The following USP6 variants were observed in gnomAD, a reference collection of about 807,000 sequenced individuals.
USP6 encodes ubiquitin specific peptidase 6, also known as ubiquitin carboxyl-terminal hydrolase 6.
USP6 carries 128 observed loss-of-function variants against 175.7 expected under a neutral mutation model. The ratio of observed to expected loss-of-function variants is 0.73; its 90% CI spans 0.63 to 0.84. The LOEUF is 0.84. Ranked by LOEUF, USP6 falls within the 40% of genes least tolerant of loss-of-function variation. The pLI, the probability that USP6 is intolerant of heterozygous loss-of-function variation, is 0.00. For synonymous variants in USP6, 562 were observed against 630.6 expected (o/e 0.89, Z 1.63); for missense variants, 1,498 against 1,760.3 (o/e 0.85, Z 2.67).
In USP6 at chr17:5,170,659, C is replaced by A. The variant is rs561414148; in HGVS notation, c.3698C>A (p.Ala1233Asp). 1 of 1,613,902 alleles carries A rather than the reference C, an allele frequency of 6.2e-7. No homozygotes were observed. The highest frequency in any genetic ancestry group is 1.3e-5 in the African/African-American group (1 of 75,030). The change falls in exon 36 of 38, where the codon GCT (alanine) becomes GAT (aspartate). Residue 1233 changes from alanine to aspartate, a missense_variant. By Grantham distance (126) the Ala-to-Asp change is moderately radical. Transcript: ENST00000574788. ...KNLDASKENG[A>D]GQICELADAL... ...TTGGATGCCAGCAAAGAGAATGGGG[C>A]TGGGCAGATCTGTGAGCTGGCTGAC...
chr17:5,138,581 A>C (rs1487118760), intron 21 of USP6, among the ~76,000 whole-genome samples: 1 of 152,122 alleles, frequency 6.6e-6, no homozygotes, highest in Non-Finnish European at 1.5e-5. Flanking sequence ...TAGATGAGCC[A>C]GACCCATTTG....
chr17:5,138,257 G>A lies in USP6; in HGVS notation c.1062G>A (p.Gly354=), dbSNP rs1398443523. The stretch of plus-strand genomic sequence containing the variant: ...CGAAGAAACTAACAAGGAAGCAAGG[G>A]GACCTGCCACCCCCAGGTGGGCTCC... The part of the protein sequence containing the change: ...ASTKKLTRKQ[G]DLPPPAKREQ... Residue 354 remains glycine, a synonymous_variant, in exon 21 of 38, where the codon GGG becomes GGA. Transcript: ENST00000574788. 5 of 1,613,704 alleles carry A rather than the reference G, an allele frequency of 3.1e-6. No homozygotes were observed. In the East Asian group the frequency reaches 1.1e-4, roughly 36 times the overall value.
In USP6 at chr17:5,139,287, C is replaced by A; in HGVS notation, c.1111C>A (p.Pro371Thr). Residue 371 changes from proline (P) to threonine (T), a missense_variant, in exon 22 of 38, where the codon CCT becomes ACT. By Grantham distance (38) the Pro-to-Thr change is conservative. Transcript: ENST00000574788. The part of the protein sequence containing the change: ...KREQGSLAPR[P>T]VPASRGGKTL... Reference sequence around the variant, plus strand: ...CGAGCAAGGGTCCTTGGCACCCAGGCCTGTGCCGGCTTCACGTGGTGGGAA... The same window carrying A: ...CGAGCAAGGGTCCTTGGCACCCAGGACTGTGCCGGCTTCACGTGGTGGGAA... 1 of 1,605,738 alleles carries A rather than the reference C, an allele frequency of 6.2e-7. No individual in the cohort carries two copies. Among genetic ancestry groups the A allele is most frequent in the Non-Finnish European group, 8.5e-7 (1 of 1,180,000 alleles).
At chr17:5,135,385 A>T in intron 16 of USP6, 103 bp downstream of exon 16, 1 of 1,433,072 alleles carries the variant, frequency 7.0e-7, no homozygotes, top group Non-Finnish European at 9.7e-7. Context: ...GGTATTTGTG[A>T]CTCACCAGGA....
At chr17:5,167,338 A>G (rs769827034) in intron 33 of USP6, among the ~76,000 whole-genome samples, 1 of 152,230 alleles carries the variant, frequency 6.6e-6, no homozygotes, top group Non-Finnish European at 1.5e-5. Context: ...TAGGATTCCA[A>G]AGTTGTTAAA....
intron 4 of USP6, among the ~76,000 whole-genome samples, chr17:5,122,643 C>T (rs1255943440): frequency 6.6e-6 from 1 of 152,188 alleles, no homozygotes; most frequent in African/African-American, 2.4e-5. Flanking sequence ...GGCTGCAACG[C>T]GTGTCTCCCC....
At chr17:5,157,434 A>G (rs971569061) in intron 31 of USP6, among the ~76,000 whole-genome samples, 12 of 152,254 alleles carry the variant, frequency 7.9e-5, no homozygotes, top group African/African-American at 2.9e-4. Context: ...ATTTAAATAA[A>G]TCGTAAAGGA....
rs2073476177 is a variant in USP6, at chr17:5,142,471, C to G, written c.1787C>G (p.Thr596Ser). The G allele has an allele frequency of 1.2e-6, 2 of 1,612,732 alleles. No homozygotes were observed. The highest frequency in any genetic ancestry group is 1.7e-4 in the Middle Eastern group (1 of 6,046). Residue 596 changes from threonine (T) to serine (S), a missense_variant, in exon 25 of 38, where the codon ACT (threonine) becomes AGT (serine). By Grantham distance (58) the Thr-to-Ser change is moderately conservative (BLOSUM62 1). Transcript: ENST00000574788. ...GDLVQELWSG[T>S]QKSVAPLKLR... Reference sequence around the variant, plus strand: ...TTAGTGCAGGAACTCTGGAGTGGAACTCAGAAGAGTGTTGCCCCATTAAAG... The same window carrying G: ...TTAGTGCAGGAACTCTGGAGTGGAAGTCAGAAGAGTGTTGCCCCATTAAAG...
chr17:5,136,659 TGGGACAGTCCAG>T lies in USP6; in HGVS notation c.688_699del (p.Thr230_Gly233del), dbSNP rs1247209654. On this transcript the variant is annotated inframe_deletion, in exon 18 of 38. Coordinates refer to ENST00000574788, the MANE Select transcript of USP6 (RefSeq NM_001304284.2). ...TCTCAGGATTCCACAGCCCAAATGG[TGGGACAGTCCAG>T]GGGCTCCAAGACCAACAGGAGCATG... The T allele has an allele frequency of 1.2e-6, 2 of 1,611,838 alleles. No individual in the cohort carries two copies. Among genetic ancestry groups the T allele is most frequent in the African/African-American group, 1.3e-5 (1 of 74,948 alleles).
intron 25 of USP6, among the ~76,000 whole-genome samples, chr17:5,143,718 C>A (rs1598039337): frequency 6.6e-6 from 1 of 151,738 alleles, no homozygotes; most frequent in Non-Finnish European, 1.5e-5. Context: ...CCTGCCAAAT[C>A]CCCCTCTGCG....
At chr17:5,133,714 C>T (rs1168495174) in intron 14 of USP6, among the ~76,000 whole-genome samples, 164 bp downstream of exon 14, 2 of 152,094 alleles carry the variant, frequency 1.3e-5, no homozygotes, top group African/African-American at 4.8e-5. Context: ...ACAAACTCGG[C>T]TGTGGTGACC....
At chr17:5,135,433 C>T in intron 16 of USP6, 151 bp downstream of exon 16, 1 of 1,152,904 alleles carries the variant, frequency 8.7e-7, no homozygotes, top group Non-Finnish European at 1.2e-6. Context: ...CTGGCATAAA[C>T]CTCCAAGCAA....
chr17:5,167,939 A>G lies in USP6; in HGVS notation c.3044A>G (p.Asp1015Gly), dbSNP rs528217279. 5.6e-6 allele frequency: 9 copies of G among 1,611,072 alleles called. No individual in the cohort carries two copies. The South Asian group carries it at 8.8e-5, about 16-fold the overall frequency. Residue 1015 changes from aspartate (D) to glycine (G), a missense_variant, in exon 34 of 38, where the codon GAT (aspartate) becomes GGT (glycine). Physicochemically the swap from Asp to Gly is moderately conservative, Grantham distance 94 (BLOSUM62 -1). Around this residue, in one of 2 missense-constraint regions of USP6, gnomAD observed 1,217 missense variants for 1,500.8 expected, o/e 0.81. Coordinates refer to ENST00000574788, the MANE Select transcript of USP6 (RefSeq NM_001304284.2). Reference protein sequence around the residue: ...RYQTSQERVVDKHESVEQSRR... With the variant: ...RYQTSQERVVGKHESVEQSRR... Reference sequence around the variant, plus strand: ...TGTTCCCTCTACCTACAGGTTGTAGATAAGCATGAGAGTGTGGAGCAGAGT... The same window carrying G: ...TGTTCCCTCTACCTACAGGTTGTAGGTAAGCATGAGAGTGTGGAGCAGAGT...
In USP6 at chr17:5,132,985, A is replaced by G. The variant is rs752601202; in HGVS notation, c.271A>G (p.Ser91Gly). The G allele has an allele frequency of 1.9e-6, 3 of 1,614,152 alleles. No homozygotes were observed. Among genetic ancestry groups the G allele is most frequent in the South Asian group, 1.1e-5 (1 of 91,080 alleles). The part of the protein sequence containing the change: ...LGEWETYKHS[S>G]KLIDRVYKGI... ...AGAATGGGAGACATATAAGCACAGT[A>G]GCAAAGTAATGTGTGGAGGGAGAGG... The change falls in exon 13 of 38, where the codon AGC (serine) becomes GGC (glycine). Residue 91 changes from serine to glycine, a missense_variant. By Grantham distance (56) the Ser-to-Gly change is moderately conservative (BLOSUM62 0). Coordinates refer to ENST00000574788, the MANE Select transcript of USP6 (RefSeq NM_001304284.2). This position sits in a 1 kb window ranked among gnomAD's most constrained non-coding sequence, Gnocchi z 4.7.
intron 21 of USP6, 161 bp from the exon 22 acceptor site, chr17:5,139,094 C>G (rs753421467): frequency 6.3e-7 from 1 of 1,595,424 alleles, no homozygotes; most frequent in South Asian, 1.1e-5. Context: ...GCACACACCC[C>G]TCCCTCTGGG....
chr17:5,158,614 GGAGAGAGAGAGAGAGAGAGAGA>G (rs71151843), intron 31 of USP6, among the ~76,000 whole-genome samples: 5 of 26,354 alleles, frequency 1.9e-4, no homozygotes, highest in East Asian at 2.2e-3. Context: ...AGGGAGAGGG[GGAGAGAGAGAGAGAGAGAGAGA>G]GAGAGAGAGA....
intron 23 of USP6, 128 bp from the exon 24 acceptor site, chr17:5,141,875 A>G: frequency 7.1e-7 from 1 of 1,405,814 alleles, no homozygotes; most frequent in Non-Finnish European, 9.5e-7. Flanking sequence ...AAGACCTGCT[A>G]GAGAATTATT....
chr17:5,164,674 G>A (rs1041708936), intron 33 of USP6, among the ~76,000 whole-genome samples: 1 of 152,230 alleles, frequency 6.6e-6, no homozygotes, highest in Non-Finnish European at 1.5e-5. Context: ...CCATGGAAAC[G>A]AAGGGCTGTT....
rs1490349741 is a variant in USP6 at position 5,145,714 on chromosome 17, T to C, written c.2167+135T>C. 4 of 1,258,668 alleles carry C rather than the reference T, an allele frequency of 3.2e-6. No homozygotes were observed. In the East Asian group the frequency reaches 1.1e-4, roughly 36 times the overall value. The allele number at this position is 1,258,668 out of a possible 1,614,324, so 78.0% of individuals were successfully genotyped here. A position where few individuals can be genotyped will look rare whatever the true frequency, so the allele number is the denominator to read the frequency against. On this transcript the variant is annotated intron_variant, in intron 27 of 37. Transcript: ENST00000574788. The stretch of plus-strand genomic sequence containing the variant: ...GCATATTATAATCGAGCAACCTAAT[T>C]TTAGGCATGACTTGAGGTTTGAAAG...
Sources: gnomAD v4.1 joint callset for allele counts (sites outside exome capture counted in the v4.1 genomes callset) on GRCh38, gnomAD v4.1.1 for gene constraint, gnomAD v4.1.1 regional missense constraint, Gnocchi (gnomAD v3.1) non-coding constraint, MANE v1.5 for transcripts, NCBI Gene and HGNC (gene_info 2026-07-23, HGNC 2026-07-21) for gene names.